ELFN1: variants seen among roughly 807,000 people sequenced by gnomAD.
ELFN1 encodes the protein protein ELFN1.
In ELFN1, 6 loss-of-function variants were observed where a neutral mutation model predicts 7.6. The observed-to-expected ratio is 0.79, with a 90% CI of 0.43 to 1.56. ELFN1 has a LOEUF of 1.56. Among genes scored for constraint, ELFN1 ranks in the 40% most tolerant of loss-of-function variants. The pLI is 0.01. For missense variants in ELFN1, 1,169 were observed against 1,232.2 expected, an observed-to-expected ratio of 0.95 and a Z score of 0.77; for synonymous variants, 657 against 588.1, an observed-to-expected ratio of 1.12 and a Z score of -1.70.
chr7:1,673,094 C>G lies in ELFN1; in HGVS notation c.-549+2740C>G, dbSNP rs935777861. Reference sequence around the variant, plus strand: ...TTGTCATCTCTCCAGCGCCCCCCCCCGCTCTTTCCTTTTTGTTTTTGTTGT... The same window carrying G: ...TTGTCATCTCTCCAGCGCCCCCCCCGGCTCTTTCCTTTTTGTTTTTGTTGT... On this transcript the variant is annotated intron_variant, in intron 1 of 3. Coordinates refer to ENST00000424383, the MANE Select transcript of ELFN1 (RefSeq NM_001128636.4). The surrounding 1 kb of genome is among the most constrained non-coding windows in gnomAD (Gnocchi z 4.7). 3.4e-5 allele frequency among the ~76,000 whole-genome samples: 1 copy of G among 29,654 alleles called. No individual in the cohort carries two copies. The highest frequency in any genetic ancestry group is 2.8e-4 in the Admixed American group (1 of 3,530). The allele number at this position is 29,654 out of a possible 152,430, so 19.5% of individuals were successfully genotyped here.
chr7:1,675,676 C>T (rs1286979120), intron 1 of ELFN1, among the ~76,000 whole-genome samples: 3 of 152,210 alleles, frequency 2.0e-5, no homozygotes, highest in Non-Finnish European at 4.4e-5. Context: ...CCCAGACCCT[C>T]GGCCGGTGCG....
chr7:1,702,627 T>C (rs1255921730), intron 2 of ELFN1, among the ~76,000 whole-genome samples: 1 of 151,244 alleles, frequency 6.6e-6, no homozygotes, highest in Non-Finnish European at 1.5e-5. Flanking sequence ...TTCATAAATA[T>C]TCATTTTCTA....
intron 3 of ELFN1, among the ~76,000 whole-genome samples, chr7:1,742,718 G>A (rs749640778): frequency 1.1e-4 from 17 of 152,216 alleles, no homozygotes; most frequent in African/African-American, 2.2e-4. Context: ...CCCGAGGCCC[G>A]CTAGGACCTC....
At position 1,746,967 on chromosome 7, in the gene ELFN1, G is replaced by C. The variant is rs958649118; in HGVS notation, c.2371G>C (p.Glu791Gln). The C allele has an allele frequency of 6.4e-7, 1 of 1,555,342 alleles. No homozygotes were observed. The highest frequency in any genetic ancestry group is 1.4e-5 in the African/African-American group (1 of 73,296). ...RLSRRRHKEE[E>Q]EFMAAGHALR... The stretch of plus-strand genomic sequence containing the variant: ...GAGCCGCCGGCGGCACAAGGAGGAA[G>C]AGGAGTTCATGGCCGCGGGCCATGC... The change falls in exon 4 of 4, where the codon GAG (glutamate) becomes CAG (glutamine). Residue 791 changes from glutamate to glutamine, a missense_variant. Around this residue, in one of 2 missense-constraint regions of ELFN1, gnomAD observed 914 missense variants for 872.6 expected, o/e 1.05. Transcript: ENST00000424383.
intron 3 of ELFN1, among the ~76,000 whole-genome samples, chr7:1,736,582 C>T (rs538958310): frequency 2.3e-4 from 35 of 152,346 alleles, no homozygotes; most frequent in Admixed American, 1.6e-3. Context: ...CTGTCCCCAT[C>T]GTCCCCTGGG....
At chr7:1,718,929 C>T (rs892435003) in intron 3 of ELFN1, among the ~76,000 whole-genome samples, 1 of 152,184 alleles carries the variant, frequency 6.6e-6, no homozygotes, top group Admixed American at 6.5e-5. Context: ...GAGCCACACT[C>T]CAGGGGTTCT....
intron 2 of ELFN1, among the ~76,000 whole-genome samples, chr7:1,694,526 G>A (rs138087129): frequency 6.6e-6 from 1 of 152,326 alleles, no homozygotes; most frequent in East Asian, 1.9e-4. Flanking sequence ...GAAAGATAGA[G>A]CTCTGGTCCA....
In ELFN1 at chr7:1,729,373, C is replaced by T. The variant is rs572836554; in HGVS notation, c.-293-14931C>T. Among the ~76,000 whole-genome samples the T allele has an allele frequency of 2.0e-5, 3 of 152,298 alleles. No individual in the cohort carries two copies. In the East Asian group the frequency reaches 5.8e-4, roughly 29 times the overall value. On this transcript the variant is annotated intron_variant, in intron 3 of 3. Transcript: ENST00000424383. ...CTTGGGTCAGGCACTGGGAAGGGCT[C>T]AGCAGGGCGGTTCACCTCTGCTCAG...
chr7:1,721,678 G>A (rs973083204), intron 3 of ELFN1, among the ~76,000 whole-genome samples: 1 of 152,222 alleles, frequency 6.6e-6, no homozygotes, highest in Admixed American at 6.5e-5. Context: ...GTGCCCAGAG[G>A]AAGCCGGGCC....
Position 1,747,309 on chromosome 7 carries a change from C to T in ELFN1, c.*226C>T. On this transcript the variant is annotated 3_prime_UTR_variant, in exon 4 of 4. Transcript: ENST00000424383. Reference sequence around the variant, plus strand: ...GCCCCGGGTGGCACGTGTCCACACACACACACACACACACACACACACACA... The same window carrying T: ...GCCCCGGGTGGCACGTGTCCACACATACACACACACACACACACACACACA... 3.6e-6 allele frequency: 1 copy of T among 280,674 alleles called. No homozygotes were observed. Among genetic ancestry groups the T allele is most frequent in the Non-Finnish European group, 6.2e-6 (1 of 160,196 alleles). The allele number at this position is 280,674 out of a possible 1,614,324, so 17.4% of individuals were successfully genotyped here.
At chr7:1,694,945 G>A (rs892015044) in intron 2 of ELFN1, among the ~76,000 whole-genome samples, 3 of 152,342 alleles carry the variant, frequency 2.0e-5, no homozygotes, top group African/African-American at 7.2e-5. Flanking sequence ...CCCTGACCCT[G>A]GCTGCCAACA....
At chr7:1,686,309 T>C (rs901022167) in intron 1 of ELFN1, among the ~76,000 whole-genome samples, 1 of 139,604 alleles carries the variant, frequency 7.2e-6, no homozygotes, top group Non-Finnish European at 1.5e-5. Flanking sequence ...TAGTTTGTCC[T>C]TGTTTTTTTT....
At position 1,745,347 on chromosome 7, in the gene ELFN1, A is replaced by C; in HGVS notation, c.751A>C (p.Thr251Pro). The change falls in exon 4 of 4, where the codon ACC becomes CCC. Residue 251 changes from threonine to proline, a missense_variant. By Grantham distance (38) the Thr-to-Pro change is conservative. This residue lies in a region of ELFN1 where 914 missense variants were observed against 872.6 expected (regional missense o/e 1.05). Transcript: ENST00000424383. ...SILSKLQSVC[T>P]EDSYAAEVVG... ...CCTCAGCAAACTGCAGTCAGTCTGC[A>C]CCGAGGACTCGTACGCGGCTGAGGT... is the stretch of plus-strand genomic sequence containing the variant. 1 of 1,539,892 alleles carries C rather than the reference A, an allele frequency of 6.5e-7. No homozygotes were observed. Among genetic ancestry groups the C allele is most frequent in the Non-Finnish European group, 8.7e-7 (1 of 1,146,568 alleles).
intron 3 of ELFN1, among the ~76,000 whole-genome samples, chr7:1,715,502 G>A (rs1779803089): frequency 6.6e-6 from 1 of 152,134 alleles, no homozygotes; most frequent in Admixed American, 6.5e-5. Context: ...GGATGAGAAG[G>A]GAGCTATTCC....
chr7:1,670,419 G>A lies in ELFN1; in HGVS notation c.-549+65G>A, dbSNP rs1035716892. 1.8e-4 allele frequency among the ~76,000 whole-genome samples: 27 copies of A among 151,764 alleles called. No homozygotes were observed. The highest frequency in any genetic ancestry group is 6.3e-4 in the African/African-American group (26 of 41,418). On this transcript the variant is annotated intron_variant, in intron 1 of 3. Coordinates refer to ENST00000424383, the MANE Select transcript of ELFN1 (RefSeq NM_001128636.4). The surrounding 1 kb of genome is among the most constrained non-coding windows in gnomAD (Gnocchi z 6.4). ...TTGGGACCCGGACCACCCCCGGGGA[G>A]CGGCGCGGCCAAGCCCCCCGCCACC...
chr7:1,695,759 A>AC lies in ELFN1; in HGVS notation c.-456+7609_-456+7610insC, dbSNP rs1332788815. The stretch of plus-strand genomic sequence containing the variant: ...CGAGACTCCGTGTCAAAAAAAAAAA[A>AC]AAAAAAAAAAAAACCGTGCTGGTTT... On this transcript the variant is annotated intron_variant, in intron 2 of 3. Transcript: ENST00000424383. This position sits in a 1 kb window ranked among gnomAD's most constrained non-coding sequence, Gnocchi z 5.1. 7.9e-5 allele frequency among the ~76,000 whole-genome samples: 12 copies of AC among 151,320 alleles called. No homozygotes were observed. Among genetic ancestry groups the AC allele is most frequent in the Non-Finnish European group, 1.2e-4 (8 of 67,764 alleles).
chr7:1,723,714 AG>A (rs1583373079), intron 3 of ELFN1, among the ~76,000 whole-genome samples: 1 of 152,098 alleles, frequency 6.6e-6, no homozygotes, highest in East Asian at 1.9e-4. Context: ...GATGTTGCCT[AG>A]TTGTTTTCCA....
chr7:1,669,623 G>A (rs1046991197), upstream of ELFN1, among the ~76,000 whole-genome samples: 4 of 152,348 alleles, frequency 2.6e-5, no homozygotes, highest in Admixed American at 2.0e-4. Flanking sequence ...GGGTGAAACT[G>A]AGCCGAAGAG....
At chr7:1,733,091 G>A (rs1006423024) in intron 3 of ELFN1, among the ~76,000 whole-genome samples, 1 of 152,058 alleles carries the variant, frequency 6.6e-6, no homozygotes, top group Non-Finnish European at 1.5e-5. Context: ...AGTAGAGATG[G>A]GGTTTCACCA....
Sources: gnomAD v4.1 joint callset for allele counts (sites outside exome capture counted in the v4.1 genomes callset) on GRCh38, gnomAD v4.1.1 for gene constraint, gnomAD v4.1.1 regional missense constraint, Gnocchi (gnomAD v3.1) non-coding constraint, MANE v1.5 for transcripts, NCBI Gene and HGNC (gene_info 2026-07-23, HGNC 2026-07-21) for gene names.